The following THADA variants were observed in gnomAD, a reference collection of about 807,000 sequenced individuals.
THADA encodes tRNA (32-2'-O)-methyltransferase regulator THADA.
In THADA, 213 loss-of-function variants were observed where a neutral mutation model predicts 219.8. The ratio of observed to expected loss-of-function variants is 0.97; its 90% CI spans 0.87 to 1.09. The LOEUF is 1.09. THADA is among the 50% of genes least tolerant of loss of function. THADA has a pLI of 0.00. For missense variants in THADA, 2,956 were observed against 2,311.3 expected (o/e 1.28, Z -5.72); for synonymous variants, 1,018 against 828.9 (o/e 1.23, Z -3.92).
chr2:43,517,278 G>A (rs1056783821), intron 22 of THADA, among the ~76,000 whole-genome samples: 2 of 152,036 alleles, frequency 1.3e-5, no homozygotes, highest in Non-Finnish European at 2.9e-5. Flanking sequence ...ATGATTCATG[G>A]TAGCCTGAAG....
At chr2:43,595,379 C>A (rs17031102) in intron 1 of THADA, among the ~76,000 whole-genome samples, 28,797 of 152,030 alleles carry the variant, frequency 0.19, 2,829 homozygotes, top group East Asian at 0.25. Context: ...GGCACGCTTC[C>A]TAAGAAAGTG....
chr2:43,344,979 C>T (rs1352807593), intron 29 of THADA, among the ~76,000 whole-genome samples: 1 of 152,224 alleles, frequency 6.6e-6, no homozygotes, highest in Admixed American at 6.5e-5. Context: ...ATCTTTTGAC[C>T]TTGGCTAGTG....
rs1369397842 is a variant in THADA at position 43,230,996 on chromosome 2, A to G, written c.5814T>C (p.Tyr1938=). The change falls in exon 38 of 38, where the codon TAT becomes TAC. Residue 1938 remains tyrosine, a synonymous_variant. Transcript: ENST00000405975. ...GAAGAGTTAACTGCCTCGATTCTGC[A>G]TAAGAGTCCCAAACACTGAGAACTA... ...DTLVLSVWDS[Y]AESRQLTLPR... The G allele has an allele frequency of 1.9e-6, 3 of 1,613,768 alleles. No individual in the cohort carries two copies. Among genetic ancestry groups the G allele is most frequent in the Non-Finnish European group, 2.5e-6 (3 of 1,179,838 alleles).
intron 31 of THADA, among the ~76,000 whole-genome samples, chr2:43,314,801 G>A (rs532621398): frequency 2.5e-4 from 38 of 152,254 alleles, no homozygotes; most frequent in Non-Finnish European, 3.7e-4. Context: ...TTCAGAAGAG[G>A]AAAAAGAACA....
chr2:43,559,591 C>T (rs1343965388), intron 16 of THADA, among the ~76,000 whole-genome samples: 1 of 152,198 alleles, frequency 6.6e-6, no homozygotes, highest in East Asian at 1.9e-4. Context: ...AGCTAAGAGC[C>T]AGGGTCTGGA....
At chr2:43,426,724 T>G (rs557621537) in intron 28 of THADA, among the ~76,000 whole-genome samples, 116 of 152,294 alleles carry the variant, frequency 7.6e-4, no homozygotes, top group Non-Finnish European at 1.2e-3. Flanking sequence ...ATAAGTCAGC[T>G]CTGTGAAACA....
intron 26 of THADA, among the ~76,000 whole-genome samples, chr2:43,435,910 T>C (rs1173376367): frequency 6.6e-6 from 1 of 151,914 alleles, no homozygotes; most frequent in Non-Finnish European, 1.5e-5. Flanking sequence ...TTCTTTCCCC[T>C]AATGACAAAT....
At chr2:43,264,130 T>A (rs192468057) in intron 36 of THADA, among the ~76,000 whole-genome samples, 1 of 152,090 alleles carries the variant, frequency 6.6e-6, no homozygotes, top group Admixed American at 6.6e-5. Context: ...ACCTTGCCTA[T>A]TGGGGACTGA....
chr2:43,380,410 G>A (rs756225243), intron 29 of THADA, among the ~76,000 whole-genome samples: 3 of 152,270 alleles, frequency 2.0e-5, no homozygotes, highest in Non-Finnish European at 4.4e-5. Context: ...ATAAATAAAT[G>A]AGTAGTAGAT....
At chr2:43,508,301 A>C (rs1689960017) in intron 23 of THADA, among the ~76,000 whole-genome samples, 1 of 152,148 alleles carries the variant, frequency 6.6e-6, no homozygotes, top group Non-Finnish European at 1.5e-5. Flanking sequence ...AAGGAAGACT[A>C]TTTTTAAAAA....
At chr2:43,588,988 A>G (rs535517426) in intron 4 of THADA, among the ~76,000 whole-genome samples, 1 of 152,324 alleles carries the variant, frequency 6.6e-6, no homozygotes, top group South Asian at 2.1e-4. Context: ...GTATATTCAT[A>G]TTACAGAATA....
At chr2:43,568,511 C>G (rs1475612868) in intron 14 of THADA, among the ~76,000 whole-genome samples, 1 of 152,182 alleles carries the variant, frequency 6.6e-6, no homozygotes, top group Non-Finnish European at 1.5e-5. Flanking sequence ...GATTAAGACT[C>G]AAAGGACTAG....
intron 29 of THADA, among the ~76,000 whole-genome samples, chr2:43,353,885 T>C (rs1668570148): frequency 6.6e-6 from 1 of 151,088 alleles, no homozygotes; most frequent in Admixed American, 6.6e-5. Context: ...TGGTGCGTTC[T>C]TGGCTCACTG....
chr2:43,444,031 C>G (rs1681199122), intron 26 of THADA, among the ~76,000 whole-genome samples: 1 of 152,172 alleles, frequency 6.6e-6, no homozygotes, highest in South Asian at 2.1e-4. Context: ...CTGCCAGGCA[C>G]CATTTCGTTT....
At chr2:43,468,132 T>C (rs910262355) in intron 26 of THADA, among the ~76,000 whole-genome samples, 17 of 152,204 alleles carry the variant, frequency 1.1e-4, no homozygotes, top group Middle Eastern at 6.8e-3. Context: ...TATTTTTTGT[T>C]GTTTATATTT....
chr2:43,528,012 A>C (rs1233461640), intron 21 of THADA, 24 bp from the exon 22 acceptor site: 1 of 1,559,810 alleles, frequency 6.4e-7, no homozygotes, highest in Admixed American at 1.7e-5. Context: ...GCAAAAACAA[A>C]TGTCCGATTT....
chr2:43,535,556 T>C (rs1327230627), intron 21 of THADA, among the ~76,000 whole-genome samples: 11 of 150,760 alleles, frequency 7.3e-5, no homozygotes, highest in African/African-American at 2.7e-4. Context: ...TGGCACATGC[T>C]TGTAATCGAA....
At position 43,312,489 on chromosome 2, in the gene THADA, C is replaced by T. The variant is rs528956708; in HGVS notation, c.4438+7957G>A. Among the ~76,000 whole-genome samples the T allele has an allele frequency of 2.0e-4, 30 of 152,178 alleles. 1 individual carries two copies. In the South Asian group the frequency reaches 5.8e-3, roughly 29 times the overall value. On this transcript the variant is annotated intron_variant, in intron 31 of 37. Transcript: ENST00000405975. ...AACTAAATTTCTAAAGAATTGTGGG[C>T]CTCTGTACTCAGCGCAAGGTTTGGA...
Position 43,430,288 on chromosome 2 carries a change from T to C in THADA, c.3851A>G (p.Glu1284Gly). The change falls in exon 27 of 38, where the codon GAG becomes GGG. Residue 1284 changes from glutamate to glycine, a missense_variant. Coordinates refer to ENST00000405975, the MANE Select transcript of THADA (RefSeq NM_022065.5). ...GAGTTCTGGGAAACGAGAGAAAAAC[T>C]CTCTCCCTGTCATTCTGTGAAAGAA... The part of the protein sequence containing the change: ...HSKTNRMTGR[E>G]FFSRFPELYP... The C allele has an allele frequency of 3.2e-6, 5 of 1,544,894 alleles. No individual in the cohort carries two copies. The highest frequency in any genetic ancestry group is 4.4e-6 in the Non-Finnish European group (5 of 1,143,878).
Sources: gnomAD v4.1 joint callset for allele counts (sites outside exome capture counted in the v4.1 genomes callset) on GRCh38, gnomAD v4.1.1 for gene constraint, MANE v1.5 for transcripts, NCBI Gene and HGNC (gene_info 2026-07-23, HGNC 2026-07-21) for gene names.